Variants in MPC2 observed in about 807,000 individuals in gnomAD.
MPC2 encodes the protein mitochondrial pyruvate carrier 2.
MPC2 carries 19 observed loss-of-function variants against 19.2 expected under a neutral mutation model. The observed-to-expected ratio is 0.99, with a 90% CI of 0.69 to 1.45. MPC2 has a LOEUF of 1.45. Among genes scored for constraint, MPC2 ranks in the 40% most tolerant of loss-of-function variants. The pLI is 0.00. For synonymous variants in MPC2, 61 were observed against 54.3 expected, an observed-to-expected ratio of 1.12 and a Z score of -0.54; for missense variants, 122 against 153.0, an observed-to-expected ratio of 0.80 and a Z score of 1.07.
chr1:167,933,893 G>A (rs1270879186), intron 2 of MPC2, among the ~76,000 whole-genome samples: 3 of 152,126 alleles, frequency 2.0e-5, no homozygotes, highest in African/African-American at 7.2e-5. Flanking sequence ...AAGTGCAAAC[G>A]CTGTGCTACA....
chr1:167,934,107 A>G (rs762764472), intron 2 of MPC2, among the ~76,000 whole-genome samples: 1 of 152,224 alleles, frequency 6.6e-6, no homozygotes, highest in Non-Finnish European at 1.5e-5. Context: ...AACGAATCCA[A>G]GGATTTTCAG....
At chr1:167,920,518 G>C in intron 4 of MPC2, 29 bp downstream of exon 4, 6 of 1,603,060 alleles carry the variant, frequency 3.7e-6, no homozygotes, top group Non-Finnish European at 5.1e-6. Context: ...TGTTCTACAA[G>C]AAACACAGAA....
At chr1:167,927,717 C>G (rs1005176495) in intron 2 of MPC2, among the ~76,000 whole-genome samples, 2 of 152,176 alleles carry the variant, frequency 1.3e-5, no homozygotes, top group Admixed American at 1.3e-4. Flanking sequence ...TGCCTGGTAA[C>G]TAATTTACTA....
chr1:167,930,492 A>G (rs1342383475), intron 2 of MPC2, among the ~76,000 whole-genome samples: 2 of 152,234 alleles, frequency 1.3e-5, no homozygotes, highest in African/African-American at 2.4e-5. Flanking sequence ...TAATCTAACA[A>G]TAATTATATG....
At position 167,935,859 on chromosome 1, in the gene MPC2, T is replaced by G. The variant is rs745857752; in HGVS notation, c.-18A>C. On this transcript the variant is annotated 5_prime_UTR_variant, in exon 2 of 6. Transcript: ENST00000271373. ...GCCGACATCGCCGCCGAGGGATCGTTGGCAGCCGGGTGGGAGCGTGGCTGT... is the reference window on the plus strand; with the variant it reads ...GCCGACATCGCCGCCGAGGGATCGTGGGCAGCCGGGTGGGAGCGTGGCTGT... 7.1e-6 allele frequency: 11 copies of G among 1,541,284 alleles called. No individual in the cohort carries two copies. The highest frequency in any genetic ancestry group is 8.8e-6 in the Non-Finnish European group (10 of 1,139,568).
chr1:167,932,563 C>T (rs2102558411), intron 2 of MPC2, among the ~76,000 whole-genome samples: 1 of 152,144 alleles, frequency 6.6e-6, no homozygotes, highest in East Asian at 1.9e-4. Context: ...AATCCCAGCA[C>T]TTTGGGAGGC....
rs551003489 is a variant in MPC2 at position 167,934,472 on chromosome 1, A to AT, written c.109+1260_109+1261insA. On this transcript the variant is annotated intron_variant, in intron 2 of 5. Transcript: ENST00000271373. ...TTGAATGTTAAAAGAACTAAAAGGC[A>AT]AATAAACAAAAACTTTTTAAATCAG... 2.6e-3 allele frequency among the ~76,000 whole-genome samples: 392 copies of AT among 152,352 alleles called. 2 individuals are homozygous for AT. Among genetic ancestry groups the AT allele is most frequent in the African/African-American group, 8.5e-3 (355 of 41,582 alleles).
At chr1:167,932,585 G>C (rs1163309186) in intron 2 of MPC2, among the ~76,000 whole-genome samples, 1 of 152,042 alleles carries the variant, frequency 6.6e-6, no homozygotes, top group Non-Finnish European at 1.5e-5. Context: ...AAGGCAGGTG[G>C]ATCACCTGAG....
chr1:167,922,287 A>T (rs1387545619), intron 3 of MPC2, among the ~76,000 whole-genome samples: 10 of 152,184 alleles, frequency 6.6e-5, no homozygotes, highest in African/African-American at 2.4e-4. Flanking sequence ...GAAGGCATTT[A>T]TGAGTATATA....
At chr1:167,936,858 C>T (rs537224842) in intron 1 of MPC2, 81 bp downstream of exon 1, 269 of 1,428,748 alleles carry the variant, frequency 1.9e-4, no homozygotes, top group Non-Finnish European at 5.6e-5. Flanking sequence ...TCCCCTCCCC[C>T]TCCTCCCCTC....
intron 5 of MPC2, 60 bp from the exon 6 acceptor site, chr1:167,918,419 G>T: frequency 9.2e-7 from 1 of 1,091,268 alleles, no homozygotes; most frequent in East Asian, 2.5e-5. Flanking sequence ...TTATGGTAAG[G>T]AGAGAATGGG....
rs370906281 is a variant in MPC2, at chr1:167,932,205, T to C, written c.109+3528A>G. 9.8e-5 allele frequency among the ~76,000 whole-genome samples: 15 copies of C among 152,328 alleles called. No homozygotes were observed. The East Asian group carries it at 2.7e-3, about 27-fold the overall frequency. Reference sequence around the variant, plus strand: ...TAGAGCTGTGGTCTTCCAGCTCCTCTTGAACATATGCCCTATCAGTAAAAA... The same window carrying C: ...TAGAGCTGTGGTCTTCCAGCTCCTCCTGAACATATGCCCTATCAGTAAAAA... On this transcript the variant is annotated intron_variant, in intron 2 of 5. Coordinates refer to ENST00000271373, the MANE Select transcript of MPC2 (RefSeq NM_001143674.4).
chr1:167,925,474 T>C (rs1315392949), intron 2 of MPC2, among the ~76,000 whole-genome samples: 64 of 96,814 alleles, frequency 6.6e-4, no homozygotes, highest in South Asian at 3.4e-3. Context: ...TATATATATA[T>C]ACATATACAT....
At chr1:167,931,505 T>A (rs1670910030) in intron 2 of MPC2, among the ~76,000 whole-genome samples, 1 of 151,872 alleles carries the variant, frequency 6.6e-6, no homozygotes. Context: ...AAATAATATA[T>A]GTATATTTAG....
At chr1:167,924,590 C>T (rs1011369242) in intron 2 of MPC2, 53 bp from the exon 3 acceptor site, 28 of 1,284,944 alleles carry the variant, frequency 2.2e-5, no homozygotes, top group Middle Eastern at 2.1e-4. Flanking sequence ...ATATTATACA[C>T]GTCTTTTAAC....
intron 1 of MPC2, 180 bp from the exon 2 acceptor site, chr1:167,936,078 C>T: frequency 1.8e-6 from 1 of 568,824 alleles, no homozygotes; most frequent in Non-Finnish European, 3.2e-6. Flanking sequence ...CGCCTCCGGC[C>T]CCCGGCAGGA....
intron 2 of MPC2, among the ~76,000 whole-genome samples, chr1:167,932,823 AAAAAG>A (rs1268260359): frequency 2.2e-4 from 33 of 150,764 alleles, no homozygotes; most frequent in South Asian, 4.2e-4. Context: ...AAAAAAAAAA[AAAAAG>A]AAAAGAAAAG....
Position 167,924,496 on chromosome 1 carries a change from C to A in MPC2, c.150+1G>T. ...AGCTTCCGTAAAAACTCAAGACTTACCCATTTCATAATTGGAGCCCAGAAG... is the reference window on the plus strand; with the variant it reads ...AGCTTCCGTAAAAACTCAAGACTTAACCATTTCATAATTGGAGCCCAGAAG... On this transcript the variant is annotated splice_donor_variant, in intron 3 of 5. Transcript: ENST00000271373. LOFTEE classifies it high-confidence loss of function. The A allele has an allele frequency of 6.3e-7, 1 of 1,590,506 alleles. No homozygotes were observed. Among genetic ancestry groups the A allele is most frequent in the Non-Finnish European group, 8.5e-7 (1 of 1,170,154 alleles).
chr1:167,935,532 T>G (rs903822924), intron 2 of MPC2, among the ~76,000 whole-genome samples: 1 of 152,154 alleles, frequency 6.6e-6, no homozygotes, highest in Admixed American at 6.5e-5. Context: ...GGGAGCTGAC[T>G]TGAGATACGT....
Sources: gnomAD v4.1 joint callset for allele counts (sites outside exome capture counted in the v4.1 genomes callset) on GRCh38, gnomAD v4.1.1 for gene constraint, MANE v1.5 for transcripts, NCBI Gene and HGNC (gene_info 2026-07-23, HGNC 2026-07-21) for gene names.